Variants in NTRK3 observed in about 807,000 individuals in gnomAD.
NTRK3 encodes the protein neurotrophic receptor tyrosine kinase 3.
In NTRK3, 24 loss-of-function variants were observed where a neutral mutation model predicts 91.7. That is an observed-to-expected ratio of 0.26 (90% CI 0.19 to 0.37). NTRK3 has a LOEUF of 0.37. NTRK3 is among the 10% of genes least tolerant of loss of function. NTRK3 has a pLI of 1.00. For synonymous variants in NTRK3, 483 were observed against 404.0 expected, an observed-to-expected ratio of 1.20 and a Z score of -2.34; for missense variants, 880 against 1,068.9, an observed-to-expected ratio of 0.82 and a Z score of 2.46.
At chr15:87,866,444 T>C (rs572524787) in exon 19 of NTRK3, 142 of 165,324 alleles carry the variant, frequency 8.6e-4, no homozygotes, top group Middle Eastern at 5.3e-3. Flanking sequence ...TATATATATA[T>C]ACACACACAC....
chr15:88,231,005 T>G (rs910302825), intron 3 of NTRK3, among the ~76,000 whole-genome samples: 3 of 152,190 alleles, frequency 2.0e-5, no homozygotes, highest in African/African-American at 7.2e-5. Context: ...TTCTTGCTGG[T>G]TTCTTGTGTT....
At chr15:87,881,052 C>G (rs900512795) in intron 17 of NTRK3, among the ~76,000 whole-genome samples, 2 of 152,198 alleles carry the variant, frequency 1.3e-5, no homozygotes, top group Non-Finnish European at 1.5e-5. Context: ...TAGGGAGAGT[C>G]TTTAAAAATA....
At chr15:88,209,734 G>T (rs1260168851) in intron 3 of NTRK3, among the ~76,000 whole-genome samples, 1 of 152,252 alleles carries the variant, frequency 6.6e-6, no homozygotes, top group Non-Finnish European at 1.5e-5. Context: ...CCACTACCCA[G>T]AGAGTGAGGC....
chr15:87,915,341 T>C (rs1195988206), intron 17 of NTRK3, among the ~76,000 whole-genome samples: 2 of 152,242 alleles, frequency 1.3e-5, no homozygotes, highest in Admixed American at 6.5e-5. Context: ...GCTCTCCCTC[T>C]GGGATGATGA....
At chr15:88,007,319 G>C (rs896045740) in intron 14 of NTRK3, among the ~76,000 whole-genome samples, 2 of 152,182 alleles carry the variant, frequency 1.3e-5, no homozygotes, top group African/African-American at 4.8e-5. Flanking sequence ...GTTGTGCCCA[G>C]CATCAAATCC....
chr15:88,106,696 C>T (rs1251048699), intron 13 of NTRK3, among the ~76,000 whole-genome samples: 2 of 151,082 alleles, frequency 1.3e-5, no homozygotes, highest in East Asian at 3.9e-4. Flanking sequence ...CTTTGGGAGG[C>T]CAAGGGGGAA....
intron 3 of NTRK3, among the ~76,000 whole-genome samples, chr15:88,213,321 T>G (rs1276090602): frequency 6.6e-6 from 1 of 152,194 alleles, no homozygotes; most frequent in Non-Finnish European, 1.5e-5. Context: ...GAGGAAACTC[T>G]ACTTTTAAAG....
At chr15:87,969,695 C>T (rs906792883) in intron 14 of NTRK3, among the ~76,000 whole-genome samples, 1 of 152,200 alleles carries the variant, frequency 6.6e-6, no homozygotes, top group Non-Finnish European at 1.5e-5. Context: ...TCCTCTCCCT[C>T]CCTAGCCAGC....
At chr15:88,135,023 C>T (rs1358900637) in intron 10 of NTRK3, 78 bp downstream of exon 10, 4 of 1,535,750 alleles carry the variant, frequency 2.6e-6, no homozygotes, top group Non-Finnish European at 3.6e-6. Flanking sequence ...GCTGCTTCTC[C>T]TCTCAAGCTA....
chr15:88,222,888 C>G (rs2050350559), intron 3 of NTRK3, among the ~76,000 whole-genome samples: 1 of 152,310 alleles, frequency 6.6e-6, no homozygotes, highest in African/African-American at 2.4e-5. Context: ...ATCCCGCAGT[C>G]AGGCAGCGGC....
At chr15:88,256,256 G>T (rs1432759619) in intron 2 of NTRK3, 28 bp downstream of exon 2, 1 of 282,630 alleles carries the variant, frequency 3.5e-6, no homozygotes, top group Non-Finnish European at 6.6e-6. Context: ...CGGCGAGGGA[G>T]GGGGGAAGGG....
intron 13 of NTRK3, among the ~76,000 whole-genome samples, chr15:88,064,181 CAA>C (rs753315159): frequency 1.3e-5 from 2 of 152,222 alleles, no homozygotes; most frequent in Non-Finnish European, 2.9e-5. Context: ...CTGAAAGAGA[CAA>C]AGACAGATTT....
chr15:88,028,664 G>A (rs946709977), intron 14 of NTRK3, among the ~76,000 whole-genome samples: 2 of 152,132 alleles, frequency 1.3e-5, no homozygotes, highest in East Asian at 1.9e-4. Flanking sequence ...AGATGGAGAC[G>A]CTGCTTCCTC....
At chr15:88,159,098 TGC>T (rs1290847463) in intron 5 of NTRK3, among the ~76,000 whole-genome samples, 1 of 152,184 alleles carries the variant, frequency 6.6e-6, no homozygotes, top group Non-Finnish European at 1.5e-5. Flanking sequence ...GGTGGGAGCC[TGC>T]AGGGGCAAGA....
intron 6 of NTRK3, among the ~76,000 whole-genome samples, chr15:88,145,340 G>C (rs554635824): frequency 5.3e-4 from 80 of 152,184 alleles, no homozygotes; most frequent in Admixed American, 1.4e-3. Context: ...TTGCTCCTTA[G>C]AGGGGGGCTT....
At chr15:88,186,298 C>T (rs1262322680) in intron 3 of NTRK3, among the ~76,000 whole-genome samples, 11 of 152,174 alleles carry the variant, frequency 7.2e-5, no homozygotes, top group South Asian at 2.1e-4. Flanking sequence ...TGTGTTGTTA[C>T]GGTTGAGTTG....
intron 3 of NTRK3, among the ~76,000 whole-genome samples, chr15:88,228,017 T>TA (rs1298402224): frequency 7.2e-5 from 11 of 152,312 alleles, no homozygotes; most frequent in African/African-American, 2.6e-4. Context: ...GCCTGGTTTT[T>TA]ATGCCCAAGC....
chr15:88,122,083 T>G (rs566937420), intron 13 of NTRK3, among the ~76,000 whole-genome samples: 1 of 152,156 alleles, frequency 6.6e-6, no homozygotes, highest in South Asian at 2.1e-4. Context: ...CTCCAACATA[T>G]GACAAGGAAA....
chr15:88,076,064 C>A (rs1201718837), intron 13 of NTRK3, among the ~76,000 whole-genome samples: 3 of 152,132 alleles, frequency 2.0e-5, no homozygotes, highest in Non-Finnish European at 4.4e-5. Flanking sequence ...TGTTCTCATG[C>A]TGCTAATAAA....
Sources: allele counts gnomAD v4.1 joint callset (sites outside exome capture counted in the v4.1 genomes callset), GRCh38; gene constraint gnomAD v4.1.1; transcripts MANE v1.5; gene names NCBI Gene and HGNC (gene_info 2026-07-23, HGNC 2026-07-21).